NPAS3: variants seen among roughly 807,000 people sequenced by gnomAD.
NPAS3 encodes the protein neuronal PAS domain-containing protein 3.
NPAS3 carries 14 observed loss-of-function variants against 73.1 expected under a neutral mutation model. The observed-to-expected ratio is 0.19, with a 90% CI of 0.13 to 0.30. The LOEUF is 0.30. Ranked by LOEUF, NPAS3 falls within the 10% of genes least tolerant of loss-of-function variation. NPAS3 has a pLI of 1.00. For synonymous variants in NPAS3, 620 were observed against 541.5 expected, an observed-to-expected ratio of 1.14 and a Z score of -2.01; for missense variants, 1,096 against 1,250.0, an observed-to-expected ratio of 0.88 and a Z score of 1.86.
chr14:33,198,505 C>T (rs2046470701), intron 2 of NPAS3, among the ~76,000 whole-genome samples: 1 of 152,180 alleles, frequency 6.6e-6, no homozygotes, highest in South Asian at 2.1e-4. Flanking sequence ...ATTAACTAGA[C>T]ACAGAGCACT....
rs140950312 is a variant in NPAS3 at position 33,161,855 on chromosome 14, AATGTTGCATAC to A, written c.141-53324_141-53314del. Among the ~76,000 whole-genome samples the A allele has an allele frequency of 8.9e-3, 1,349 of 152,322 alleles. 22 individuals are homozygous for A. The highest frequency in any genetic ancestry group is 0.031 in the African/African-American group (1,298 of 41,574). Reference sequence around the variant, plus strand: ...TGAGGTAGAGACCAGCAGGATAAGGAATGTTGCATACATAAGACGTGGGAAATAGGAATGGC... The same window carrying A: ...TGAGGTAGAGACCAGCAGGATAAGGAATAAGACGTGGGAAATAGGAATGGC... On this transcript the variant is annotated intron_variant, in intron 2 of 11. Transcript: ENST00000356141.
chr14:33,164,744 G>A (rs1481141815), intron 2 of NPAS3, among the ~76,000 whole-genome samples: 1 of 151,996 alleles, frequency 6.6e-6, no homozygotes, highest in Non-Finnish European at 1.5e-5. Context: ...AGCGAAGTTG[G>A]ATAACTTTCC....
intron 4 of NPAS3, among the ~76,000 whole-genome samples, chr14:33,512,124 TAAAG>T: frequency 6.6e-6 from 1 of 152,222 alleles, no homozygotes; most frequent in Middle Eastern, 3.4e-3. Flanking sequence ...AGCACAAGCT[TAAAG>T]AAAAACTAGA....
At chr14:33,066,947 G>A (rs1417385613) in intron 2 of NPAS3, among the ~76,000 whole-genome samples, 1 of 152,146 alleles carries the variant, frequency 6.6e-6, no homozygotes, top group Admixed American at 6.5e-5. Context: ...CCAAATATGG[G>A]GTGCTGTGGT....
chr14:33,718,551 C>T (rs1161478352), intron 6 of NPAS3, among the ~76,000 whole-genome samples: 1 of 152,160 alleles, frequency 6.6e-6, no homozygotes, highest in Non-Finnish European at 1.5e-5. Context: ...GAAGTATTAG[C>T]TCACACCTGA....
chr14:33,065,242 T>TATATATA (rs2041238825), intron 2 of NPAS3, among the ~76,000 whole-genome samples: 2 of 152,052 alleles, frequency 1.3e-5, no homozygotes, highest in African/African-American at 4.8e-5. Flanking sequence ...AAGCTAGTGG[T>TATATATA]GAGAAAGGTG....
intron 7 of NPAS3, among the ~76,000 whole-genome samples, chr14:33,761,382 C>A (rs2062283156): frequency 6.6e-6 from 1 of 151,982 alleles, no homozygotes; most frequent in African/African-American, 2.4e-5. Context: ...ATGAGCAGGG[C>A]ACTGATTACT....
intron 4 of NPAS3, among the ~76,000 whole-genome samples, chr14:33,450,740 T>A (rs1021036850): frequency 2.0e-5 from 3 of 152,232 alleles, no homozygotes; most frequent in African/African-American, 7.2e-5. Flanking sequence ...TTTCAATACA[T>A]ATTTTAATTG....
Position 33,369,404 on chromosome 14 carries a change from CAAAAAAAAA to C in NPAS3, c.468+2151_468+2159del, listed in dbSNP as rs3058296. On this transcript the variant is annotated intron_variant, in intron 4 of 11. Transcript: ENST00000356141. Reference sequence around the variant, plus strand: ...TCTATTTATTTGAAGGCCTCATTTCCAAAAAAAAAAAAAAAAAAAAAAAGGATTAAACAT... The same window carrying C: ...TCTATTTATTTGAAGGCCTCATTTCCAAAAAAAAAAAAAAGGATTAAACAT... 2.9e-3 allele frequency among the ~76,000 whole-genome samples: 266 copies of C among 90,942 alleles called. 3 individuals carry two copies. Among genetic ancestry groups the C allele is most frequent in the Non-Finnish European group, 4.0e-3 (182 of 45,592 alleles). 59.7% of individuals were successfully genotyped at this position (90,942 alleles called of 152,430 possible).
At chr14:33,332,430 G>A (rs765573909) in intron 3 of NPAS3, among the ~76,000 whole-genome samples, 1 of 152,164 alleles carries the variant, frequency 6.6e-6, no homozygotes, top group African/African-American at 2.4e-5. Context: ...ACCTTGGAAA[G>A]CCATTAAATA....
chr14:33,101,435 C>T (rs2042574369), intron 2 of NPAS3, among the ~76,000 whole-genome samples: 1 of 152,010 alleles, frequency 6.6e-6, no homozygotes, highest in African/African-American at 2.4e-5. Flanking sequence ...GTAGTAAACC[C>T]TGACTAGAAA....
chr14:33,211,646 A>C (rs2047039221), intron 2 of NPAS3, among the ~76,000 whole-genome samples: 1 of 152,110 alleles, frequency 6.6e-6, no homozygotes, highest in Non-Finnish European at 1.5e-5. Flanking sequence ...TATTTCTCCT[A>C]TCTATCTATC....
intron 2 of NPAS3, among the ~76,000 whole-genome samples, chr14:33,158,224 T>C (rs1443052082): frequency 1.3e-5 from 2 of 152,180 alleles, no homozygotes; most frequent in Non-Finnish European, 2.9e-5. Context: ...CTGGTATTAC[T>C]TGGAAACATG....
At chr14:33,184,952 CAT>C (rs1325617148) in intron 2 of NPAS3, among the ~76,000 whole-genome samples, 1 of 152,078 alleles carries the variant, frequency 6.6e-6, no homozygotes, top group East Asian at 1.9e-4. Context: ...TTTTTTAAAT[CAT>C]GTCTTATTCA....
intron 3 of NPAS3, among the ~76,000 whole-genome samples, chr14:33,327,758 A>G (rs2043776836): frequency 6.6e-6 from 1 of 152,232 alleles, no homozygotes; most frequent in Admixed American, 6.5e-5. Flanking sequence ...TGGAAGCATT[A>G]AAACACCATG....
At chr14:33,167,455 A>C (rs1482896050) in intron 2 of NPAS3, among the ~76,000 whole-genome samples, 1 of 152,152 alleles carries the variant, frequency 6.6e-6, no homozygotes, top group Non-Finnish European at 1.5e-5. Flanking sequence ...GTATATTGTA[A>C]AGATAAATTA....
chr14:33,313,135 A>G (rs1428267008), intron 3 of NPAS3, among the ~76,000 whole-genome samples: 2 of 152,018 alleles, frequency 1.3e-5, no homozygotes, highest in Non-Finnish European at 2.9e-5. Flanking sequence ...GGAACAGTGA[A>G]GTGTCGGAAT....
intron 5 of NPAS3, among the ~76,000 whole-genome samples, chr14:33,666,094 G>GTATT (rs1426895893): frequency 6.6e-6 from 1 of 152,116 alleles, no homozygotes; most frequent in Non-Finnish European, 1.5e-5. Context: ...CTGTTCTTTA[G>GTATT]TATTTTAAAA....
intron 6 of NPAS3, among the ~76,000 whole-genome samples, chr14:33,689,536 C>T (rs1258863157): frequency 6.6e-6 from 1 of 152,084 alleles, no homozygotes; most frequent in Admixed American, 6.6e-5. Flanking sequence ...CTCCAGTTAC[C>T]TCACTTAAAG....
Sources: allele counts gnomAD v4.1 joint callset (sites outside exome capture counted in the v4.1 genomes callset), GRCh38; gene constraint gnomAD v4.1.1; transcripts MANE v1.5; gene names NCBI Gene and HGNC (gene_info 2026-07-23, HGNC 2026-07-21).